KIAA0319L: variants seen among roughly 807,000 people sequenced by gnomAD.
The protein encoded by KIAA0319L is dyslexia-associated protein KIAA0319-like protein.
In KIAA0319L, 55 loss-of-function variants were observed where a neutral mutation model predicts 120.1. That is an observed-to-expected ratio of 0.46 (90% CI 0.37 to 0.57). KIAA0319L has a LOEUF of 0.57. Among genes scored for constraint, KIAA0319L ranks in the 20% least tolerant of loss-of-function variants. The pLI, the probability that KIAA0319L is intolerant of heterozygous loss-of-function variation, is 0.00. For synonymous variants in KIAA0319L, 398 were observed against 471.9 expected (o/e 0.84, Z 2.03); for missense variants, 1,049 against 1,255.3 (o/e 0.84, Z 2.48).
At position 35,453,364 on chromosome 1, in the gene KIAA0319L, CT is replaced by C. The variant is rs914830702; in HGVS notation, c.1913+192del. Among the ~76,000 whole-genome samples, 1 of 152,110 alleles carries C rather than the reference CT, an allele frequency of 6.6e-6. No homozygotes were observed. Among genetic ancestry groups the C allele is most frequent in the Admixed American group, 6.5e-5 (1 of 15,272 alleles). ...TGGGGACTAGTTGATGGCAAGCATT[CT>C]TTTTTTCTTACAAAAATTATGATTA... On this transcript the variant is annotated intron_variant, in intron 12 of 20. Transcript: ENST00000325722. This position sits in a 1 kb window ranked among gnomAD's most constrained non-coding sequence, Gnocchi z 4.1.
chr1:35,515,326 A>G (rs1262396111), intron 2 of KIAA0319L, among the ~76,000 whole-genome samples: 1 of 149,316 alleles, frequency 6.7e-6, no homozygotes, highest in Non-Finnish European at 1.5e-5. Context: ...AAAAAAAAAA[A>G]AAGAACCAAA....
chr1:35,525,051 T>C (rs547318258), intron 2 of KIAA0319L, among the ~76,000 whole-genome samples: 1 of 152,304 alleles, frequency 6.6e-6, no homozygotes, highest in East Asian at 1.9e-4. Flanking sequence ...CTACTCCCTA[T>C]CTTCATGAGA....
intron 7 of KIAA0319L, among the ~76,000 whole-genome samples, chr1:35,463,467 G>A (rs751800977): frequency 9.9e-5 from 15 of 152,140 alleles, no homozygotes; most frequent in Non-Finnish European, 1.5e-4. Flanking sequence ...GCTGATGGGT[G>A]GTTTCTCAAC....
intron 20 of KIAA0319L, among the ~76,000 whole-genome samples, chr1:35,436,353 G>T (rs1010432782): frequency 1.3e-5 from 2 of 152,194 alleles, no homozygotes; most frequent in Non-Finnish European, 2.9e-5. Context: ...TTCCTCACCC[G>T]CGTTGGTGTC....
rs547960143 is a variant in KIAA0319L, at chr1:35,480,877, C to A, written c.667-1665G>T. Among the ~76,000 whole-genome samples, 7 of 152,180 alleles carry A rather than the reference C, an allele frequency of 4.6e-5. No individual in the cohort carries two copies. In the East Asian group the frequency reaches 1.4e-3, roughly 29 times the overall value. On this transcript the variant is annotated intron_variant, in intron 3 of 20. Coordinates refer to ENST00000325722, the MANE Select transcript of KIAA0319L (RefSeq NM_024874.5). ...GTCAAAGTTTTGATAAATATATATACCCATGTAACCACAATTAAGAGAGAG... is the reference window on the plus strand; with the variant it reads ...GTCAAAGTTTTGATAAATATATATAACCATGTAACCACAATTAAGAGAGAG...
rs907091946 is a variant in KIAA0319L at position 35,453,878 on chromosome 1, A to G, written c.1781-189T>C. 6.6e-6 allele frequency among the ~76,000 whole-genome samples: 1 copy of G among 152,248 alleles called. No homozygotes were observed. Among genetic ancestry groups the G allele is most frequent in the African/African-American group, 2.4e-5 (1 of 41,468 alleles). ...AATATAAGGCTGAAACATATCAAGC[A>G]ATTCTGACAGAAACATAGAACATAA... is the stretch of plus-strand genomic sequence containing the variant. On this transcript the variant is annotated intron_variant, in intron 11 of 20. Transcript: ENST00000325722. The surrounding 1 kb of genome is among the most constrained non-coding windows in gnomAD (Gnocchi z 4.1).
intron 16 of KIAA0319L, among the ~76,000 whole-genome samples, chr1:35,447,147 C>T (rs549327792): frequency 1.1e-4 from 16 of 151,762 alleles, no homozygotes; most frequent in Non-Finnish European, 1.8e-4. Context: ...ATTACCTTTT[C>T]ACTGGACTAG....
At position 35,435,007 on chromosome 1, in the gene KIAA0319L, T is replaced by C; in HGVS notation, c.3037A>G (p.Ile1013Val). The C allele has an allele frequency of 1.2e-6, 2 of 1,614,198 alleles. No individual in the cohort carries two copies. The highest frequency in any genetic ancestry group is 1.7e-6 in the Non-Finnish European group (2 of 1,180,036). The stretch of plus-strand genomic sequence containing the variant: ...TTCTCTCGGTCTGGCCATGTAAAGA[T>C]GGCATCATCGCTGTCCAGCTCTGAC... The part of the protein sequence containing the change: ...SESELDSDDA[I>V]FTWPDREKGK... Residue 1013 changes from isoleucine to valine, a missense_variant, in exon 21 of 21, where the codon ATC becomes GTC. Transcript: ENST00000325722.
At chr1:35,511,618 A>C (rs1645448626) in intron 2 of KIAA0319L, among the ~76,000 whole-genome samples, 1 of 152,188 alleles carries the variant, frequency 6.6e-6, no homozygotes, top group Non-Finnish European at 1.5e-5. Flanking sequence ...TGGGTCATCA[A>C]ATGTAGTGTG....
intron 4 of KIAA0319L, among the ~76,000 whole-genome samples, chr1:35,477,479 A>G (rs1643940247): frequency 1.3e-5 from 2 of 152,128 alleles, no homozygotes; most frequent in Admixed American, 6.5e-5. Flanking sequence ...CATCCTGGCT[A>G]ACACGGTGAA....
intron 2 of KIAA0319L, among the ~76,000 whole-genome samples, chr1:35,549,876 A>C (rs954818904): frequency 6.6e-6 from 1 of 152,228 alleles, no homozygotes; most frequent in South Asian, 2.1e-4. Flanking sequence ...TGCATCTACT[A>C]TGTGCCTTGG....
chr1:35,443,110 A>G (rs1641346959), intron 17 of KIAA0319L, 82 bp from the exon 18 acceptor site: 6 of 1,537,692 alleles, frequency 3.9e-6, no homozygotes, highest in Middle Eastern at 1.9e-4. Flanking sequence ...TGAGGGCACC[A>G]AAGCACCCCA....
chr1:35,448,463 A>G, intron 15 of KIAA0319L, 131 bp from the exon 16 acceptor site: 1 of 906,156 alleles, frequency 1.1e-6, no homozygotes, highest in South Asian at 1.6e-5. Flanking sequence ...GGAAAGGGAC[A>G]ATAGTGAATT....
intron 3 of KIAA0319L, among the ~76,000 whole-genome samples, chr1:35,492,858 G>T (rs906422912): frequency 2.6e-5 from 4 of 152,050 alleles, no homozygotes; most frequent in African/African-American, 9.7e-5. Flanking sequence ...TCGCCACTTG[G>T]ATTCAACACT....
intron 2 of KIAA0319L, among the ~76,000 whole-genome samples, chr1:35,534,160 C>T (rs776665940): frequency 6.6e-6 from 1 of 152,254 alleles, no homozygotes; most frequent in Non-Finnish European, 1.5e-5. Flanking sequence ...TTACTACTCA[C>T]TGCCTTTGCT....
chr1:35,457,198 G>A (rs1157225178), intron 9 of KIAA0319L, among the ~76,000 whole-genome samples: 2 of 152,122 alleles, frequency 1.3e-5, no homozygotes, highest in Non-Finnish European at 2.9e-5. Context: ...TATATAGTGA[G>A]CCAAGATGCA....
At chr1:35,443,533 G>A (rs1050203572) in intron 17 of KIAA0319L, among the ~76,000 whole-genome samples, 34 of 152,078 alleles carry the variant, frequency 2.2e-4, no homozygotes, top group Non-Finnish European at 3.4e-4. Context: ...TCAGCTGGGC[G>A]TGGTGGTGCA....
chr1:35,498,433 GA>G (rs1327694402), intron 3 of KIAA0319L, among the ~76,000 whole-genome samples: 1 of 152,056 alleles, frequency 6.6e-6, no homozygotes, highest in Non-Finnish European at 1.5e-5. Flanking sequence ...TCTGGCACTG[GA>G]TAGAAATAAT....
At position 35,535,755 on chromosome 1, in the gene KIAA0319L, C is replaced by G. The variant is rs1646550553; in HGVS notation, c.142+18595G>C. Among the ~76,000 whole-genome samples, 3 of 152,128 alleles carry G rather than the reference C, an allele frequency of 2.0e-5. No homozygotes were observed. The South Asian group carries it at 6.2e-4, about 31-fold the overall frequency. On this transcript the variant is annotated intron_variant, in intron 2 of 20. Transcript: ENST00000325722. ...GGCTTCTCCCATGAAACCTTCACCCCAAGATGCCTCTCTTCTGTGCATCCT... is the reference window on the plus strand; with the variant it reads ...GGCTTCTCCCATGAAACCTTCACCCGAAGATGCCTCTCTTCTGTGCATCCT...
Sources: allele counts gnomAD v4.1 joint callset (sites outside exome capture counted in the v4.1 genomes callset), GRCh38; gene constraint gnomAD v4.1.1; non-coding constraint Gnocchi (gnomAD v3.1); transcripts MANE v1.5; gene names NCBI Gene and HGNC (gene_info 2026-07-23, HGNC 2026-07-21).